The following ITIH2 variants were observed in gnomAD, a reference collection of about 807,000 sequenced individuals.
ITIH2 encodes inter-alpha-trypsin inhibitor heavy chain H2.
A neutral mutation model predicts 104.4 loss-of-function variants in ITIH2; 103 were observed. The ratio of observed to expected loss-of-function variants is 0.99; its 90% CI spans 0.84 to 1.16. The LOEUF is 1.16. Ranked by LOEUF, ITIH2 falls within the 50% of genes most tolerant of loss-of-function variation. The pLI is 0.00. For missense variants in ITIH2, 1,108 were observed against 1,162.4 expected, an observed-to-expected ratio of 0.95 and a Z score of 0.68; for synonymous variants, 436 against 435.4, an observed-to-expected ratio of 1.00 and a Z score of -0.02.
intron 16 of ITIH2, among the ~76,000 whole-genome samples, chr10:7,740,797 A>G (rs1275873808): frequency 6.6e-6 from 1 of 152,166 alleles, no homozygotes; most frequent in East Asian, 1.9e-4. Context: ...CCCTCCCTGC[A>G]GGGTGGATAC....
chr10:7,720,417 G>A (rs191554327), intron 6 of ITIH2, among the ~76,000 whole-genome samples: 179 of 152,268 alleles, frequency 1.2e-3, no homozygotes, highest in Non-Finnish European at 1.9e-3. Context: ...CCTAGATGAG[G>A]TCTGTTCAAA....
intron 19 of ITIH2, among the ~76,000 whole-genome samples, 199 bp from the exon 20 acceptor site, chr10:7,746,394 A>T (rs1030141519): frequency 2.0e-5 from 3 of 151,820 alleles, no homozygotes; most frequent in Non-Finnish European, 4.4e-5. Flanking sequence ...AAATAAAAAT[A>T]AAAAAAAGAT....
At chr10:7,732,993 C>G (rs577388680) in intron 14 of ITIH2, among the ~76,000 whole-genome samples, 300 of 152,300 alleles carry the variant, frequency 2.0e-3, no homozygotes, top group African/African-American at 7.0e-3. Flanking sequence ...TCCCAAAGTA[C>G]TGGGATTACA....
At chr10:7,746,067 TTAAAAAAAAAAAAAAAAAAA>T (rs1835174560) in intron 19 of ITIH2, among the ~76,000 whole-genome samples, 2 of 51,092 alleles carry the variant, frequency 3.9e-5, no homozygotes, top group Non-Finnish European at 6.5e-5. Flanking sequence ...AATCTTAAAT[TTAAAAAAAAAAAAAAAAAAA>T]AAAAAAAAAA....
chr10:7,732,240 T>C (rs1383748158), intron 13 of ITIH2, 98 bp from the exon 14 acceptor site: 2 of 1,376,154 alleles, frequency 1.5e-6, no homozygotes. Context: ...TCCATTTCTT[T>C]TTTATTCCCA....
At chr10:7,735,151 G>T (rs556324709) in intron 15 of ITIH2, 60 bp downstream of exon 15, 2 of 1,484,382 alleles carry the variant, frequency 1.3e-6, no homozygotes, top group Non-Finnish European at 1.8e-6. Context: ...GGGGGTGGGC[G>T]AAGTCCTAGT....
Position 7,749,433 on chromosome 10 carries a change from T to A in ITIH2, c.*99T>A, listed in dbSNP as rs1276264699. ...TTGAATAATTAAAATGAACCAGATA[T>A]CAGGGTGGTTAATTAAAATGAACCA... is the stretch of plus-strand genomic sequence containing the variant. On this transcript the variant is annotated 3_prime_UTR_variant, in exon 21 of 21. Coordinates refer to ENST00000358415, the MANE Select transcript of ITIH2 (RefSeq NM_002216.3). 1 of 1,044,096 alleles carries A rather than the reference T, an allele frequency of 9.6e-7. No individual in the cohort carries two copies. Among genetic ancestry groups the A allele is most frequent in the African/African-American group, 1.6e-5 (1 of 62,004 alleles). 64.7% of individuals were successfully genotyped at this position (1,044,096 alleles called of 1,614,324 possible).
At chr10:7,722,958 AGTGGAGTGGAGTGGAGTGAAGTGGC>A (rs753984745) in intron 8 of ITIH2, among the ~76,000 whole-genome samples, 1 of 136,372 alleles carries the variant, frequency 7.3e-6, no homozygotes, top group South Asian at 2.4e-4. Context: ...AGTGATGTGG[AGTGGAGTGGAGTGGAGTGAAGTGGC>A]GTGGAGTGGA....
rs371160907 is a variant in ITIH2 at position 7,709,196 on chromosome 10, G to A, written c.362+5G>A. On this transcript the variant is annotated splice_donor_5th_base_variant and intron_variant, in intron 4 of 20. Coordinates refer to ENST00000358415, the MANE Select transcript of ITIH2 (RefSeq NM_002216.3). ...ATTCATTTCCAACTTCTCCATGTGA[G>A]TAACTTCTGTGTAGAGCCAGAAATT... 3.2e-5 allele frequency: 51 copies of A among 1,613,506 alleles called. No individual in the cohort carries two copies. Among genetic ancestry groups the A allele is most frequent in the Non-Finnish European group, 4.2e-5 (49 of 1,179,596 alleles).
intron 20 of ITIH2, among the ~76,000 whole-genome samples, chr10:7,748,368 A>C (rs142244644): frequency 1.6e-3 from 244 of 149,486 alleles, no homozygotes; most frequent in African/African-American, 4.9e-3. Context: ...GCACAGTGAT[A>C]CTTTTAAGTC....
intron 10 of ITIH2, among the ~76,000 whole-genome samples, 177 bp from the exon 11 acceptor site, chr10:7,727,526 C>A (rs1834961953): frequency 6.6e-6 from 1 of 152,182 alleles, no homozygotes; most frequent in Admixed American, 6.5e-5. Context: ...TATTTCACTG[C>A]ACTGGGGGAC....
chr10:7,709,079 C>T lies in ITIH2; in HGVS notation c.250C>T (p.Arg84Trp), dbSNP rs761768242. ...SYKVQSTITS[R>W]MATTMIQSKV... ...TAAAGTCCAGTCTACTATTACTTCT[C>T]GGATGGCCACCACCATGATCCAGAG... Residue 84 changes from arginine to tryptophan, a missense_variant, in exon 4 of 21, where the codon CGG (arginine) becomes TGG (tryptophan). Arg to Trp is a moderately radical substitution (Grantham distance 101). Transcript: ENST00000358415. 2.7e-5 allele frequency: 43 copies of T among 1,613,886 alleles called. No individual in the cohort carries two copies. Among genetic ancestry groups the T allele is most frequent in the African/African-American group, 1.6e-4 (12 of 74,880 alleles).
At chr10:7,711,718 C>A (rs11255300) in intron 4 of ITIH2, among the ~76,000 whole-genome samples, 14,109 of 152,168 alleles carry the variant, frequency 0.093, 1,310 homozygotes, top group African/African-American at 0.24. Flanking sequence ...GCATTTGGGG[C>A]AGGAAAATTC....
intron 20 of ITIH2, among the ~76,000 whole-genome samples, chr10:7,747,423 C>T (rs1175644266): frequency 1.3e-5 from 2 of 152,040 alleles, no homozygotes; most frequent in Non-Finnish European, 2.9e-5. Context: ...AGTATTGCCA[C>T]GAAAGTAGAT....
chr10:7,707,445 G>T (rs1834758102), intron 3 of ITIH2, among the ~76,000 whole-genome samples: 1 of 151,904 alleles, frequency 6.6e-6, no homozygotes, highest in African/African-American at 2.4e-5. Context: ...AGCTGAAGGG[G>T]CCCTTCTCTT....
intron 2 of ITIH2, among the ~76,000 whole-genome samples, chr10:7,705,894 A>G (rs1834742663): frequency 6.6e-6 from 1 of 152,088 alleles, no homozygotes; most frequent in Non-Finnish European, 1.5e-5. Context: ...GAGAAGGAGA[A>G]TTGGCCACAT....
chr10:7,732,559 G>C (rs1377948844), intron 14 of ITIH2, 82 bp downstream of exon 14: 1 of 1,469,490 alleles, frequency 6.8e-7, no homozygotes, highest in Non-Finnish European at 9.3e-7. Flanking sequence ...TACACAAAAA[G>C]AGTTTGGAAG....
rs1835074605 is a variant in ITIH2 at position 7,737,676 on chromosome 10, ATTTTCTATATT to A, written c.1958-944_1958-934del. Among the ~76,000 whole-genome samples, 2 of 25,326 alleles carry A rather than the reference ATTTTCTATATT, an allele frequency of 7.9e-5. 1 individual carries two copies. Among genetic ancestry groups the A allele is most frequent in the Non-Finnish European group, 1.3e-4 (2 of 15,690 alleles). The allele number at this position is 25,326 out of a possible 152,430, so 16.6% of individuals were successfully genotyped here. A position where few individuals can be genotyped will look rare whatever the true frequency, so the allele number is the denominator to read the frequency against. ...TATTATATTCTATATTATATTCTATATTTTCTATATTATATTCTATATAATATTCTATATTA... is the reference window on the plus strand; with the variant it reads ...TATTATATTCTATATTATATTCTATAATATTCTATATAATATTCTATATTA... On this transcript the variant is annotated intron_variant, in intron 15 of 20. Transcript: ENST00000358415.
In ITIH2 at chr10:7,744,864, C is replaced by T. The variant is rs1835160915; in HGVS notation, c.2482C>T (p.Leu828Phe). The change falls in exon 19 of 21, where the codon CTT becomes TTT. Residue 828 changes from leucine to phenylalanine, a missense_variant. Transcript: ENST00000358415. ...LDKEMSFSVL[L>F]HRVWKKHPVN... ...TAAAGAGATGTCCTTTTCTGTTTTA[C>T]TTCATCGTGTTTGGAAGAAGCATCC... 6.2e-7 allele frequency: 1 copy of T among 1,613,972 alleles called. No individual in the cohort carries two copies. The highest frequency in any genetic ancestry group is 1.3e-5 in the African/African-American group (1 of 74,912).
Sources: allele counts gnomAD v4.1 joint callset (sites outside exome capture counted in the v4.1 genomes callset), GRCh38; gene constraint gnomAD v4.1.1; transcripts MANE v1.5; gene names NCBI Gene and HGNC (gene_info 2026-07-23, HGNC 2026-07-21).